The following GAD2 variants were observed in gnomAD, a reference collection of about 807,000 sequenced individuals.
The protein encoded by GAD2 is 65 kDa glutamic acid decarboxylase.
A neutral mutation model predicts 80.1 loss-of-function variants in GAD2; 22 were observed. That is an observed-to-expected ratio of 0.27 (90% CI 0.20 to 0.39). The LOEUF (loss-of-function observed/expected upper bound fraction) is 0.39, where lower values mean the gene tolerates loss of function less well. Among genes scored for constraint, GAD2 ranks in the 10% least tolerant of loss-of-function variants. GAD2 has a pLI of 1.00. For synonymous variants in GAD2, 274 were observed against 256.9 expected (o/e 1.07, Z -0.64); for missense variants, 624 against 738.4 (o/e 0.85, Z 1.80).
chr10:26,286,567 C>CA (rs1201598874), intron 13 of GAD2, 73 bp downstream of exon 13: 109 of 1,392,792 alleles, frequency 7.8e-5, no homozygotes, highest in Non-Finnish European at 9.3e-5. Context: ...TATGAAATGT[C>CA]AAAAAAGTGA....
chr10:26,248,194 G>A (rs1035252941), intron 8 of GAD2, among the ~76,000 whole-genome samples: 1 of 152,188 alleles, frequency 6.6e-6, no homozygotes, highest in African/African-American at 2.4e-5. Context: ...ATCAATACAT[G>A]GTGGTTACAC....
intron 7 of GAD2, among the ~76,000 whole-genome samples, chr10:26,235,577 A>T (rs1372554812): frequency 6.6e-6 from 1 of 152,238 alleles, no homozygotes; most frequent in Non-Finnish European, 1.5e-5. Context: ...AGCGTTTAAG[A>T]GTTCCAAGAT....
chr10:26,280,998 C>A lies in GAD2; in HGVS notation c.1158-11C>A. The A allele has an allele frequency of 6.2e-7, 1 of 1,612,252 alleles. No individual in the cohort carries two copies. ...GGAGTGCCACCCGCTTATGTGATTT[C>A]TTTATTTTAGGGCCAACTCTGTGAC... On this transcript the variant is annotated splice_polypyrimidine_tract_variant and intron_variant, in intron 11 of 15. Coordinates refer to ENST00000376261, the MANE Select transcript of GAD2 (RefSeq NM_001134366.2).
intron 8 of GAD2, among the ~76,000 whole-genome samples, chr10:26,262,825 A>G (rs752285775): frequency 2.0e-5 from 3 of 151,228 alleles, no homozygotes; most frequent in Non-Finnish European, 4.4e-5. Context: ...TTCTTACATG[A>G]TAACTTGAAC....
chr10:26,293,139 A>G (rs1834237031), intron 15 of GAD2, 148 bp downstream of exon 15: 7 of 606,818 alleles, frequency 1.2e-5, no homozygotes, highest in South Asian at 2.1e-5. Flanking sequence ...GAGCCAGGAC[A>G]TATAGAGCCT....
chr10:26,236,016 C>G (rs751516859), intron 7 of GAD2, among the ~76,000 whole-genome samples: 2 of 152,228 alleles, frequency 1.3e-5, no homozygotes, highest in Non-Finnish European at 1.5e-5. Flanking sequence ...TGGCCCACAC[C>G]CACATCCCCC....
rs775133712 is a variant in GAD2 at position 26,286,299 on chromosome 10, A to T, written c.1237-46A>T. On this transcript the variant is annotated intron_variant, in intron 12 of 15. Transcript: ENST00000376261. ...ATTAATTTTTACCAATATAAATCTA[A>T]TAAGTAGTCAGTAGAATTTCCTAAA... The T allele has an allele frequency of 2.6e-6, 4 of 1,538,566 alleles. No individual in the cohort carries two copies. The African/African-American group carries it at 4.2e-5, about 16-fold the overall frequency.
intron 6 of GAD2, among the ~76,000 whole-genome samples, chr10:26,227,320 G>A (rs965680106): frequency 1.3e-5 from 2 of 152,178 alleles, no homozygotes; most frequent in African/African-American, 2.4e-5. Flanking sequence ...TAGGGCTCAC[G>A]CATTTGTCCT....
intron 15 of GAD2, among the ~76,000 whole-genome samples, chr10:26,295,445 C>A (rs1262673416): frequency 6.7e-6 from 1 of 149,792 alleles, no homozygotes; most frequent in African/African-American, 2.5e-5. Context: ...CTGGAAAGTT[C>A]TTTATTAAGT....
intron 8 of GAD2, among the ~76,000 whole-genome samples, chr10:26,251,590 A>C (rs1011264163): frequency 1.3e-5 from 2 of 152,194 alleles, no homozygotes; most frequent in African/African-American, 2.4e-5. Context: ...GTTACGAATA[A>C]CCTTTGTATC....
chr10:26,258,227 T>A (rs1844967503), intron 8 of GAD2, among the ~76,000 whole-genome samples: 1 of 152,246 alleles, frequency 6.6e-6, no homozygotes, highest in Admixed American at 6.5e-5. Flanking sequence ...AACAACAGTT[T>A]TAAACAGTAT....
upstream of GAD2, chr10:26,216,453 G>A: frequency 5.8e-6 from 1 of 173,572 alleles, no homozygotes; most frequent in Non-Finnish European, 1.2e-5. This position sits in a 1 kb window ranked among gnomAD's most constrained non-coding sequence, Gnocchi z 4.7. Flanking sequence ...TTTTTCCTCC[G>A]CCGCCCCCTC....
intron 8 of GAD2, 108 bp downstream of exon 8, chr10:26,246,108 C>A: frequency 1.3e-6 from 1 of 774,046 alleles, no homozygotes; most frequent in South Asian, 1.7e-5. Context: ...AAGTCCACCT[C>A]CCTCCCAGCC....
intron 8 of GAD2, among the ~76,000 whole-genome samples, chr10:26,253,213 A>G (rs1844901549): frequency 6.6e-6 from 1 of 152,244 alleles, no homozygotes; most frequent in Admixed American, 6.5e-5. Flanking sequence ...AAACAGGAAT[A>G]TTCTATTTTG....
intron 6 of GAD2, among the ~76,000 whole-genome samples, chr10:26,229,196 G>GAA (rs35900771): frequency 1.7e-5 from 2 of 117,296 alleles, no homozygotes. Context: ...CCTGTCTCAA[G>GAA]AAAAAAAAAA....
chr10:26,265,297 G>A (rs963240250), intron 8 of GAD2, among the ~76,000 whole-genome samples: 26 of 151,118 alleles, frequency 1.7e-4, no homozygotes, highest in Non-Finnish European at 2.4e-4. Context: ...TCCACCTCCC[G>A]GGTTCAAGCA....
At chr10:26,266,557 C>T (rs1289831186) in intron 8 of GAD2, among the ~76,000 whole-genome samples, 2 of 152,172 alleles carry the variant, frequency 1.3e-5, no homozygotes, top group Non-Finnish European at 2.9e-5. Flanking sequence ...TGCCATATGT[C>T]AGGCTCTGGG....
chr10:26,289,838 G>A (rs1834194407), intron 13 of GAD2, among the ~76,000 whole-genome samples: 1 of 148,456 alleles, frequency 6.7e-6, no homozygotes, highest in Non-Finnish European at 1.5e-5. Flanking sequence ...TGTTGCCCAG[G>A]CTGGAGTGCA....
At chr10:26,244,514 A>T (rs1282075993) in intron 7 of GAD2, among the ~76,000 whole-genome samples, 1 of 152,250 alleles carries the variant, frequency 6.6e-6, no homozygotes, top group African/African-American at 2.4e-5. Flanking sequence ...GCTAAACAAA[A>T]TGTGGTATGT....
Sources: gnomAD v4.1 joint callset for allele counts (sites outside exome capture counted in the v4.1 genomes callset) on GRCh38, gnomAD v4.1.1 for gene constraint, Gnocchi (gnomAD v3.1) non-coding constraint, MANE v1.5 for transcripts, NCBI Gene and HGNC (gene_info 2026-07-23, HGNC 2026-07-21) for gene names.